Variants in HHAT observed in about 807,000 individuals in gnomAD.
HHAT encodes hedgehog acyltransferase.
HHAT carries 47 observed loss-of-function variants against 70.8 expected under a neutral mutation model. The observed-to-expected ratio is 0.66, with a 90% CI of 0.53 to 0.85. The LOEUF is 0.85. HHAT is among the 40% of genes least tolerant of loss of function. HHAT has a pLI of 0.00. For missense variants in HHAT, 609 were observed against 604.8 expected (o/e 1.01, Z -0.07); for synonymous variants, 228 against 247.6 (o/e 0.92, Z 0.74).
chr1:210,473,522 A>G (rs760367153), intron 8 of HHAT, among the ~76,000 whole-genome samples: 5 of 152,084 alleles, frequency 3.3e-5, no homozygotes, highest in Non-Finnish European at 5.9e-5. Flanking sequence ...TCACCAGTTT[A>G]ACCTGAGTCA....
intron 8 of HHAT, among the ~76,000 whole-genome samples, chr1:210,482,251 C>T (rs2094408472): frequency 1.3e-5 from 2 of 152,130 alleles, no homozygotes; most frequent in African/African-American, 2.4e-5. Context: ...ATTCCCAGAT[C>T]ACACATAGAG....
At chr1:210,471,681 G>GCA (rs2094207857) in intron 8 of HHAT, among the ~76,000 whole-genome samples, 1 of 151,990 alleles carries the variant, frequency 6.6e-6, no homozygotes, top group Non-Finnish European at 1.5e-5. Flanking sequence ...GCAGCAGCGC[G>GCA]AAGAACACAT....
chr1:210,352,134 C>T (rs886385572), intron 2 of HHAT, among the ~76,000 whole-genome samples: 3 of 152,138 alleles, frequency 2.0e-5, no homozygotes, highest in Admixed American at 1.3e-4. Flanking sequence ...CTTCTGGGAA[C>T]GGGGCGAGGG....
At chr1:210,633,609 A>G (rs1352085638) in intron 11 of HHAT, among the ~76,000 whole-genome samples, 5 of 152,060 alleles carry the variant, frequency 3.3e-5, no homozygotes, top group Non-Finnish European at 7.4e-5. Context: ...CCCCCGCCTG[A>G]CTTCATATTT....
chr1:210,445,992 A>G (rs2093626775), intron 7 of HHAT, among the ~76,000 whole-genome samples: 1 of 152,122 alleles, frequency 6.6e-6, no homozygotes, highest in South Asian at 2.1e-4. Context: ...ATCATTTAAC[A>G]TTAGATATAT....
At chr1:210,618,708 G>A (rs1392085881) in intron 10 of HHAT, among the ~76,000 whole-genome samples, 1 of 152,118 alleles carries the variant, frequency 6.6e-6, no homozygotes, top group Non-Finnish European at 1.5e-5. Flanking sequence ...CCTTCCCCAT[G>A]TATGTTTCTA....
chr1:210,362,751 C>T, intron 2 of HHAT, 101 bp from the exon 3 acceptor site: 1 of 945,358 alleles, frequency 1.1e-6, no homozygotes, highest in South Asian at 1.4e-5. Flanking sequence ...CCACTGGCTG[C>T]TTTTCCAGGA....
intron 3 of HHAT, among the ~76,000 whole-genome samples, chr1:210,364,479 A>G (rs1430265280): frequency 6.6e-6 from 1 of 152,258 alleles, no homozygotes; most frequent in Non-Finnish European, 1.5e-5. Context: ...TTGGAAATAT[A>G]GAATTATTTG....
At chr1:210,630,848 C>T (rs1670719712) in intron 11 of HHAT, 2 of 354,420 alleles carry the variant, frequency 5.6e-6, no homozygotes, top group Admixed American at 7.7e-5. Flanking sequence ...CTGCTGAGCC[C>T]TCTCGTCTTC....
rs374132691 is a variant in HHAT, at chr1:210,656,670, G to C, written c.1391-17618G>C. Among the ~76,000 whole-genome samples the C allele has an allele frequency of 1.2e-4, 19 of 152,302 alleles. No individual in the cohort carries two copies. In the East Asian group the frequency reaches 3.7e-3, roughly 29 times the overall value. On this transcript the variant is annotated intron_variant, in intron 11 of 11. Transcript: ENST00000261458. ...TTCCACGTGGGTTTGATGGAGGAAGGGTAGAGATGTGGGGTCTTCTGTATT... is the reference window on the plus strand; with the variant it reads ...TTCCACGTGGGTTTGATGGAGGAAGCGTAGAGATGTGGGGTCTTCTGTATT...
At chr1:210,627,293 C>A (rs1415877990) in intron 11 of HHAT, among the ~76,000 whole-genome samples, 1 of 152,150 alleles carries the variant, frequency 6.6e-6, no homozygotes, top group African/African-American at 2.4e-5. Context: ...AAAAGATACA[C>A]CTCATTGTTT....
intron 9 of HHAT, among the ~76,000 whole-genome samples, chr1:210,562,751 T>A (rs1420912583): frequency 5.3e-5 from 8 of 151,756 alleles, no homozygotes; most frequent in Admixed American, 5.2e-4. Context: ...GTGTGCTACA[T>A]CCAGTAACTC....
chr1:210,362,834 C>CTTTT lies in HHAT; in HGVS notation c.92-10_92-7dup. ...TGTTTAGATTTGTGACTAACGAAGACTTTTTTTTTTTGGTCAGAACACGAA... is the reference window on the plus strand; with the variant it reads ...TGTTTAGATTTGTGACTAACGAAGACTTTTTTTTTTTTTTTGGTCAGAACACGAA... On this transcript the variant is annotated splice_polypyrimidine_tract_variant and intron_variant, in intron 2 of 11. Coordinates refer to ENST00000261458, the MANE Select transcript of HHAT (RefSeq NM_018194.6). The CTTTT allele has an allele frequency of 8.3e-7, 1 of 1,211,476 alleles. No homozygotes were observed. The highest frequency in any genetic ancestry group is 2.1e-5 in the Admixed American group (1 of 48,128). 75.0% of individuals were successfully genotyped at this position (1,211,476 alleles called of 1,614,324 possible).
Position 210,534,142 on chromosome 1 carries a change from C to G in HHAT, c.1043+20954C>G, listed in dbSNP as rs560114178. ...GCCCCCCACCGCCCCACCAAGTGTT[C>G]TCCTAGGTGCTGTTCTGGGCACTGC... On this transcript the variant is annotated intron_variant, in intron 9 of 11. Coordinates refer to ENST00000261458, the MANE Select transcript of HHAT (RefSeq NM_018194.6). 2.2e-4 allele frequency among the ~76,000 whole-genome samples: 33 copies of G among 152,306 alleles called. 1 individual carries two copies. Among genetic ancestry groups the G allele is most frequent in the African/African-American group, 7.5e-4 (31 of 41,560 alleles).
At chr1:210,380,266 T>C (rs1226577781) in intron 3 of HHAT, among the ~76,000 whole-genome samples, 1 of 152,086 alleles carries the variant, frequency 6.6e-6, no homozygotes, top group Admixed American at 6.6e-5. Context: ...GGGGACTGGG[T>C]CTGGTGGCTC....
At chr1:210,349,121 A>C in intron 2 of HHAT, 55 bp downstream of exon 2, 1 of 1,570,752 alleles carries the variant, frequency 6.4e-7, no homozygotes, top group African/African-American at 1.4e-5. Context: ...CCTGTCAAAA[A>C]AAGGAGCAGA....
At chr1:210,607,430 A>T (rs1665709268) in intron 10 of HHAT, among the ~76,000 whole-genome samples, 1 of 152,154 alleles carries the variant, frequency 6.6e-6, no homozygotes, top group Non-Finnish European at 1.5e-5. Flanking sequence ...TTGGTGAATC[A>T]TTCTTAGATT....
At chr1:210,460,502 G>A (rs1164898032) in intron 7 of HHAT, among the ~76,000 whole-genome samples, 2 of 152,160 alleles carry the variant, frequency 1.3e-5, no homozygotes, top group African/African-American at 4.8e-5. Flanking sequence ...GTTCCTCTGC[G>A]TTTAGGTTGT....
chr1:210,455,357 A>G (rs1368265458), intron 7 of HHAT, among the ~76,000 whole-genome samples: 1 of 152,138 alleles, frequency 6.6e-6, no homozygotes, highest in Non-Finnish European at 1.5e-5. Flanking sequence ...CCCTCATTTG[A>G]TTTCAAATAC....
Sources: gnomAD v4.1 joint callset for allele counts (sites outside exome capture counted in the v4.1 genomes callset) on GRCh38, gnomAD v4.1.1 for gene constraint, MANE v1.5 for transcripts, NCBI Gene and HGNC (gene_info 2026-07-23, HGNC 2026-07-21) for gene names.